The following HECW2 variants were observed in gnomAD, a reference collection of about 807,000 sequenced individuals.
The protein encoded by HECW2 is HECT, C2 and WW domain containing E3 ubiquitin protein ligase 2.
A neutral mutation model predicts 175.2 loss-of-function variants in HECW2; 61 were observed. The ratio of observed to expected loss-of-function variants is 0.35; its 90% CI spans 0.28 to 0.43. The LOEUF (loss-of-function observed/expected upper bound fraction) is 0.43. Ranked by LOEUF, HECW2 falls within the 20% of genes least tolerant of loss-of-function variation. The probability of loss-of-function intolerance (pLI) is 1.00; values close to 1 mark genes in which losing one functional copy is unlikely to be tolerated. For missense variants in HECW2, 1,524 were observed against 2,000.5 expected, an observed-to-expected ratio of 0.76 and a Z score of 4.54; for synonymous variants, 671 against 731.0, an observed-to-expected ratio of 0.92 and a Z score of 1.32.
chr2:196,518,925 G>C (rs1195987195), intron 1 of HECW2, among the ~76,000 whole-genome samples: 1 of 152,122 alleles, frequency 6.6e-6, no homozygotes, highest in African/African-American at 2.4e-5. Flanking sequence ...ACTACATGCA[G>C]AATCTTGAGA....
At chr2:196,539,791 G>C (rs1007661591) in intron 1 of HECW2, among the ~76,000 whole-genome samples, 12 of 152,102 alleles carry the variant, frequency 7.9e-5, no homozygotes, top group Admixed American at 5.9e-4. Flanking sequence ...TATAAGATAG[G>C]TTCAATAGCA....
chr2:196,521,287 A>C (rs1176463756), intron 1 of HECW2, among the ~76,000 whole-genome samples: 4 of 137,580 alleles, frequency 2.9e-5, no homozygotes, highest in Admixed American at 6.9e-5. Flanking sequence ...AGTAACAAAA[A>C]AAAAAAAAAA....
chr2:196,539,299 C>T (rs144679885), intron 1 of HECW2, among the ~76,000 whole-genome samples: 348 of 152,292 alleles, frequency 2.3e-3, no homozygotes, highest in Non-Finnish European at 3.7e-3. Context: ...TGTCAGGAAA[C>T]GTGTGACAAC....
intron 1 of HECW2, among the ~76,000 whole-genome samples, chr2:196,585,960 C>T (rs1242120070): frequency 6.6e-6 from 1 of 152,108 alleles, no homozygotes; most frequent in African/African-American, 2.4e-5. Context: ...CTCCCTGCCA[C>T]CCAATATCTT....
intron 19 of HECW2, among the ~76,000 whole-genome samples, chr2:196,245,543 G>C (rs1330912057): frequency 1.3e-5 from 2 of 152,184 alleles, no homozygotes; most frequent in African/African-American, 4.8e-5. Flanking sequence ...TGAGAGCTCA[G>C]GGCCACACGT....
Position 196,228,083 on chromosome 2 carries a change from T to A in HECW2, c.3917+19A>T, listed in dbSNP as rs761512834. 4.0e-6 allele frequency: 6 copies of A among 1,505,466 alleles called. No homozygotes were observed. Among genetic ancestry groups the A allele is most frequent in the Admixed American group, 2.2e-5 (1 of 45,140 alleles). The allele number at this position is 1,505,466 out of a possible 1,614,324, so 93.3% of individuals were successfully genotyped here. ...ATAGGAAATCGCCTGAAGAAAAGTG[T>A]TGGGGAAAAAATACTTACCATTCAT... On this transcript the variant is annotated intron_variant, in intron 22 of 28. Transcript: ENST00000644978.
chr2:196,557,320 G>C (rs531103377), intron 1 of HECW2, among the ~76,000 whole-genome samples: 1 of 151,882 alleles, frequency 6.6e-6, no homozygotes, highest in South Asian at 2.1e-4. Flanking sequence ...GCTTGAACCT[G>C]GGGGGCGGAG....
At chr2:196,287,464 C>A (rs1389104389) in intron 14 of HECW2, among the ~76,000 whole-genome samples, 3 of 151,998 alleles carry the variant, frequency 2.0e-5, no homozygotes, top group Non-Finnish European at 4.4e-5. Flanking sequence ...GGAAAAAACC[C>A]TGGGTTAATA....
At chr2:196,543,566 G>T (rs1339214479) in intron 1 of HECW2, among the ~76,000 whole-genome samples, 1 of 151,902 alleles carries the variant, frequency 6.6e-6, no homozygotes, top group African/African-American at 2.4e-5. Flanking sequence ...CAGCCTTTGT[G>T]TGCTGCTGTT....
At chr2:196,411,263 C>T (rs1051356050) in intron 2 of HECW2, among the ~76,000 whole-genome samples, 1 of 152,158 alleles carries the variant, frequency 6.6e-6, no homozygotes, top group African/African-American at 2.4e-5. Context: ...CCTCCATCTC[C>T]CAAAGTGTTG....
In HECW2 at chr2:196,222,308, T is replaced by C. The variant is rs958961764; in HGVS notation, c.4049A>G (p.Asp1350Gly). 6.2e-7 allele frequency: 1 copy of C among 1,613,768 alleles called. No homozygotes were observed. Among genetic ancestry groups the C allele is most frequent in the Non-Finnish European group, 8.5e-7 (1 of 1,179,794 alleles). Reference protein sequence around the residue: ...LCDLSDLEYLDEEFHQSLQWM... With the variant: ...LCDLSDLEYLGEEFHQSLQWM... ...CTGCAGGCTCTGATGGAACTCTTCA[T>C]CAAGGTATTCTAGGTCACTCAGGTC... The change falls in exon 24 of 29, where the codon GAT (aspartate) becomes GGT (glycine). Residue 1350 changes from aspartate (D) to glycine (G), a missense_variant. Coordinates refer to ENST00000644978, the MANE Select transcript of HECW2 (RefSeq NM_001348768.2).
intron 21 of HECW2, among the ~76,000 whole-genome samples, chr2:196,234,603 A>T (rs1460017493): frequency 1.3e-5 from 2 of 151,986 alleles, no homozygotes; most frequent in Non-Finnish European, 2.9e-5. Flanking sequence ...CATCTAGGTA[A>T]CTTTTTAAAT....
At chr2:196,441,441 T>A (rs1402665397) in intron 1 of HECW2, among the ~76,000 whole-genome samples, 2 of 152,070 alleles carry the variant, frequency 1.3e-5, no homozygotes, top group African/African-American at 4.8e-5. Flanking sequence ...GATTTTTTAT[T>A]TTTATTTTTT....
At chr2:196,407,182 T>C (rs1483332598) in intron 2 of HECW2, among the ~76,000 whole-genome samples, 3 of 151,850 alleles carry the variant, frequency 2.0e-5, no homozygotes, top group African/African-American at 7.3e-5. Flanking sequence ...TATACTTAGG[T>C]TTATGTGGCA....
At chr2:196,339,855 G>C (rs1446479884) in intron 3 of HECW2, among the ~76,000 whole-genome samples, 1 of 151,744 alleles carries the variant, frequency 6.6e-6, no homozygotes, top group Non-Finnish European at 1.5e-5. Context: ...CCCTCCTCTT[G>C]AATGCCCTGA....
intron 4 of HECW2, among the ~76,000 whole-genome samples, chr2:196,333,552 G>T (rs1179466499): frequency 6.6e-6 from 1 of 151,962 alleles, no homozygotes; most frequent in Non-Finnish European, 1.5e-5. Context: ...AAGATTCTAT[G>T]TCATAGGAGT....
chr2:196,337,225 T>C (rs1692580152), intron 3 of HECW2, among the ~76,000 whole-genome samples: 1 of 152,198 alleles, frequency 6.6e-6, no homozygotes, highest in East Asian at 1.9e-4. Flanking sequence ...AACGGAAGAA[T>C]GCTCAGAAGG....
At chr2:196,488,814 G>C (rs1687095744) in intron 1 of HECW2, among the ~76,000 whole-genome samples, 1 of 151,988 alleles carries the variant, frequency 6.6e-6, no homozygotes, top group Admixed American at 6.6e-5. Flanking sequence ...GTCAAAATAG[G>C]ATCTAGCCTC....
At chr2:196,524,036 G>A (rs949225269) in intron 1 of HECW2, among the ~76,000 whole-genome samples, 1 of 149,908 alleles carries the variant, frequency 6.7e-6, no homozygotes, top group African/African-American at 2.5e-5. Flanking sequence ...GATTGGAATA[G>A]TTTCAGAAGG....
Sources: allele counts gnomAD v4.1 joint callset (sites outside exome capture counted in the v4.1 genomes callset), GRCh38; gene constraint gnomAD v4.1.1; transcripts MANE v1.5; gene names NCBI Gene and HGNC (gene_info 2026-07-23, HGNC 2026-07-21).